The following TMIGD3 variants were observed in gnomAD, a reference collection of about 807,000 sequenced individuals.
TMIGD3 encodes the protein transmembrane and immunoglobulin domain containing 3.
In TMIGD3, 21 loss-of-function variants were observed where a neutral mutation model predicts 28.1. The ratio of observed to expected loss-of-function variants is 0.75; its 90% CI spans 0.53 to 1.08. TMIGD3 has a LOEUF of 1.08. Among genes scored for constraint, TMIGD3 ranks in the 50% least tolerant of loss-of-function variants. TMIGD3 has a pLI of 0.00. For synonymous variants in TMIGD3, 151 were observed against 162.1 expected, an observed-to-expected ratio of 0.93 and a Z score of 0.52; for missense variants, 416 against 435.6, an observed-to-expected ratio of 0.96 and a Z score of 0.40.
intron 1 of TMIGD3, among the ~76,000 whole-genome samples, chr1:111,524,276 G>A (rs1656185336): frequency 2.6e-5 from 4 of 152,026 alleles, no homozygotes; most frequent in Non-Finnish European, 5.9e-5. Flanking sequence ...TGATCTGCCT[G>A]CCTTAGCCTC....
intron 1 of TMIGD3, among the ~76,000 whole-genome samples, chr1:111,555,821 A>G (rs1419499450): frequency 6.6e-6 from 1 of 152,190 alleles, no homozygotes; most frequent in Non-Finnish European, 1.5e-5. Flanking sequence ...AGAAGAAAAC[A>G]TAAGGGGACA....
At chr1:111,490,238 A>AG (rs1041640527) in intron 2 of TMIGD3, 1 of 165,338 alleles carries the variant, frequency 6.0e-6, no homozygotes, top group African/African-American at 2.4e-5. Flanking sequence ...TGAGGGGAGA[A>AG]GGGGGAAGGG....
chr1:111,530,347 T>A (rs774278016), intron 1 of TMIGD3, among the ~76,000 whole-genome samples: 4 of 152,194 alleles, frequency 2.6e-5, no homozygotes, highest in Admixed American at 6.5e-5. Context: ...CAATTATTTT[T>A]AAAGAGATTT....
chr1:111,534,689 G>A (rs1453892967), intron 1 of TMIGD3, among the ~76,000 whole-genome samples: 1 of 152,144 alleles, frequency 6.6e-6, no homozygotes, highest in Non-Finnish European at 1.5e-5. Flanking sequence ...AGGAGCCTCT[G>A]GGAGCACATG....
rs1655250433 is a variant in TMIGD3 at position 111,502,241 on chromosome 1, A to G, written c.350+764T>C. 9.4e-5 allele frequency among the ~76,000 whole-genome samples: 2 copies of G among 21,306 alleles called. 1 individual carries two copies. The highest frequency in any genetic ancestry group is 2.9e-4 in the African/African-American group (2 of 6,948). The allele number at this position is 21,306 out of a possible 152,430, so 14.0% of individuals were successfully genotyped here. On this transcript the variant is annotated intron_variant, in intron 1 of 5. Transcript: ENST00000369716. The stretch of plus-strand genomic sequence containing the variant: ...ATATTTATTATAATGAATATATAGG[A>G]TATATTTATTATAATAAATATATAG...
At chr1:111,528,544 C>CAAA (rs1656346148) in intron 1 of TMIGD3, among the ~76,000 whole-genome samples, 2 of 152,044 alleles carry the variant, frequency 1.3e-5, no homozygotes, top group South Asian at 4.1e-4. Flanking sequence ...TTAATATCCA[C>CAAA]AAAATAACTT....
upstream of TMIGD3, among the ~76,000 whole-genome samples, chr1:111,507,060 T>C (rs887552819): frequency 3.7e-3 from 505 of 138,260 alleles, 6 homozygotes; most frequent in African/African-American, 0.012. Context: ...TATATATATA[T>C]GTTAACTGTA....
chr1:111,500,333 C>A, intron 1 of TMIGD3: 1 of 1,614,240 alleles, frequency 6.2e-7, no homozygotes, highest in Non-Finnish European at 8.5e-7. Flanking sequence ...GCGCACATGA[C>A]AACCAGGGGG....
chr1:111,485,712 A>G, intron 5 of TMIGD3, 28 bp downstream of exon 5: 2 of 583,410 alleles, frequency 3.4e-6, no homozygotes, highest in Non-Finnish European at 6.3e-6. Context: ...ATTCTTGCCC[A>G]CCCCCTCCCT....
chr1:111,504,994 T>A (rs1359894239), upstream of TMIGD3: 3 of 985,208 alleles, frequency 3.0e-6, no homozygotes, highest in Non-Finnish European at 1.2e-6. Flanking sequence ...ATCCCTGCAC[T>A]GCTGGAACTT....
intron 1 of TMIGD3, chr1:111,499,834 C>T: frequency 1.3e-6 from 2 of 1,524,266 alleles, no homozygotes; most frequent in Non-Finnish European, 1.8e-6. Context: ...GATGCTCCCA[C>T]CTCAGTGGAA....
At chr1:111,541,173 G>C (rs1344674394) in intron 1 of TMIGD3, among the ~76,000 whole-genome samples, 1 of 152,236 alleles carries the variant, frequency 6.6e-6, no homozygotes, top group Non-Finnish European at 1.5e-5. Context: ...GGGCAAGCCA[G>C]ATTTGGCTCA....
At chr1:111,530,011 C>A (rs1252645946) in intron 1 of TMIGD3, among the ~76,000 whole-genome samples, 2 of 98,652 alleles carry the variant, frequency 2.0e-5, no homozygotes, top group Admixed American at 8.4e-5. Flanking sequence ...GACCCCCCCA[C>A]CTCCCTCCCG....
intron 5 of TMIGD3, 59 bp from the exon 6 acceptor site, chr1:111,483,816 G>C (rs1466709020): frequency 7.1e-7 from 1 of 1,416,388 alleles, no homozygotes; most frequent in Non-Finnish European, 1.0e-6. Flanking sequence ...CCCCTGAAGA[G>C]TGTTTCTGCA....
intron 1 of TMIGD3, chr1:111,501,158 T>A: frequency 6.5e-6 from 1 of 152,950 alleles, no homozygotes. Flanking sequence ...CAGATTCTCA[T>A]AAATTATACT....
intron 1 of TMIGD3, among the ~76,000 whole-genome samples, chr1:111,551,170 CAT>C (rs1033099795): frequency 1.3e-5 from 2 of 152,122 alleles, no homozygotes; most frequent in Admixed American, 6.6e-5. Context: ...ATAGTTGGAT[CAT>C]GTTTTTTTTT....
upstream of TMIGD3, chr1:111,503,679 C>T: frequency 7.4e-6 from 8 of 1,084,310 alleles, no homozygotes; most frequent in Non-Finnish European, 7.9e-6. Context: ...CAGATGTCCT[C>T]AACGCCTCTG....
At position 111,503,104 on chromosome 1, in the gene TMIGD3, A is replaced by C; in HGVS notation, c.251T>G (p.Leu84Arg). ...GATAAGCAGTAGGCAAGTCATAAAA[A>C]GGCAGCTGTAGAAGTGGATTGTGAT... is the stretch of plus-strand genomic sequence containing the variant. ...LGITIHFYSC[L>R]FMTCLLLIFT... The change falls in exon 1 of 6, where the codon CTT becomes CGT. Residue 84 changes from leucine to arginine, a missense_variant. Transcript: ENST00000369716. 6.2e-7 allele frequency: 1 copy of C among 1,614,200 alleles called. No individual in the cohort carries two copies. Among genetic ancestry groups the C allele is most frequent in the African/African-American group, 1.3e-5 (1 of 75,066 alleles).
At chr1:111,488,110 C>T (rs937049403) in intron 3 of TMIGD3, among the ~76,000 whole-genome samples, 1 of 152,060 alleles carries the variant, frequency 6.6e-6, no homozygotes, top group African/African-American at 2.4e-5. Context: ...TGGCTACCTC[C>T]GTATACTATT....
Sources: allele counts gnomAD v4.1 joint callset (sites outside exome capture counted in the v4.1 genomes callset), GRCh38; gene constraint gnomAD v4.1.1; transcripts MANE v1.5; gene names NCBI Gene and HGNC (gene_info 2026-07-23, HGNC 2026-07-21).